The following VIT variants were observed in gnomAD, a reference collection of about 807,000 sequenced individuals.
The protein encoded by VIT is vitrin.
VIT carries 99 observed loss-of-function variants against 78.0 expected under a neutral mutation model. The ratio of observed to expected loss-of-function variants is 1.27; its 90% CI spans 1.08 to 1.50. The LOEUF (loss-of-function observed/expected upper bound fraction) is 1.50. Ranked by LOEUF, VIT falls within the 40% of genes most tolerant of loss-of-function variation. VIT has a pLI of 0.00. For missense variants in VIT, 1,126 were observed against 875.3 expected, an observed-to-expected ratio of 1.29 and a Z score of -3.61; for synonymous variants, 374 against 334.3, an observed-to-expected ratio of 1.12 and a Z score of -1.29.
chr2:36,701,451 T>C (rs147461464), intron 1 of VIT, among the ~76,000 whole-genome samples: 32 of 152,336 alleles, frequency 2.1e-4, no homozygotes, highest in African/African-American at 7.0e-4. Context: ...CTTTCCCTGA[T>C]AAGGGTCTCT....
At chr2:36,738,942 A>G (rs1473852844) in intron 3 of VIT, among the ~76,000 whole-genome samples, 1 of 152,160 alleles carries the variant, frequency 6.6e-6, no homozygotes, top group Non-Finnish European at 1.5e-5. Context: ...TGCTTTGCAA[A>G]AGAGGGTGCT....
chr2:36,726,209 A>G (rs1054306659), intron 2 of VIT, among the ~76,000 whole-genome samples: 1 of 152,208 alleles, frequency 6.6e-6, no homozygotes, highest in Admixed American at 6.5e-5. Context: ...CACTATTTAT[A>G]TTAAATCAAA....
chr2:36,746,543 C>T (rs1446012438), intron 4 of VIT, among the ~76,000 whole-genome samples: 2 of 151,994 alleles, frequency 1.3e-5, no homozygotes, highest in Non-Finnish European at 2.9e-5. Context: ...TGTGTGTTTA[C>T]AGGACTTTAT....
intron 12 of VIT, among the ~76,000 whole-genome samples, chr2:36,796,958 A>T (rs1042009252): frequency 6.6e-6 from 1 of 152,214 alleles, no homozygotes; most frequent in Non-Finnish European, 1.5e-5. Flanking sequence ...TAAAAATTTT[A>T]CTATTAATGT....
intron 2 of VIT, among the ~76,000 whole-genome samples, chr2:36,721,678 C>T (rs560011851): frequency 1.4e-4 from 22 of 152,258 alleles, no homozygotes; most frequent in Admixed American, 3.3e-4. Context: ...TGTCACTCAC[C>T]GTAGCCCCCA....
chr2:36,757,166 G>A (rs1478906435), intron 5 of VIT, among the ~76,000 whole-genome samples: 1 of 152,216 alleles, frequency 6.6e-6, no homozygotes, highest in African/African-American at 2.4e-5. Context: ...GAGGTTCATG[G>A]CCAGCAAGTT....
intron 3 of VIT, among the ~76,000 whole-genome samples, chr2:36,742,799 A>C (rs61082903): frequency 6.6e-6 from 1 of 152,166 alleles, no homozygotes; most frequent in South Asian, 2.1e-4. Flanking sequence ...ATTTCTGGCC[A>C]CTGGAGGTGG....
chr2:36,743,043 C>A, intron 3 of VIT, 57 bp from the exon 4 acceptor site: 1 of 1,600,726 alleles, frequency 6.2e-7, no homozygotes. Flanking sequence ...AACAGTGTCA[C>A]CCCACAGATA....
intron 11 of VIT, among the ~76,000 whole-genome samples, chr2:36,785,168 A>T (rs771686154): frequency 3.3e-5 from 5 of 152,206 alleles, no homozygotes; most frequent in Non-Finnish European, 7.3e-5. Flanking sequence ...ACTTTATTCC[A>T]AAAGGTATAT....
intron 3 of VIT, among the ~76,000 whole-genome samples, chr2:36,731,655 G>T (rs1667218303): frequency 6.6e-6 from 1 of 152,110 alleles, no homozygotes; most frequent in South Asian, 2.1e-4. Flanking sequence ...TTGATATTGG[G>T]AAATCACTCA....
chr2:36,771,662 G>A (rs1160804245), intron 7 of VIT, among the ~76,000 whole-genome samples: 1 of 152,064 alleles, frequency 6.6e-6, no homozygotes, highest in Non-Finnish European at 1.5e-5. Flanking sequence ...CAGTTTGGAT[G>A]AGAGTGTGGA....
rs149316999 is a variant in VIT at position 36,808,721 on chromosome 2, A to G, written c.1639A>G (p.Thr547Ala). ...AGAGTTTGAGATTTCCGACACGGAC[A>G]CGCGCATCGGGGCCGTGCAGTACAC... is the stretch of plus-strand genomic sequence containing the variant. ...TKEFEISDTD[T>A]RIGAVQYTYE... The change falls in exon 15 of 16, where the codon ACG becomes GCG. Residue 547 changes from threonine (T) to alanine (A), a missense_variant. Coordinates refer to ENST00000379242, the MANE Select transcript of VIT (RefSeq NM_053276.4). 3.0e-4 allele frequency: 481 copies of G among 1,614,084 alleles called. No homozygotes were observed. The highest frequency in any genetic ancestry group is 3.1e-4 in the Non-Finnish European group (367 of 1,180,032).
intron 8 of VIT, chr2:36,774,488 C>G (rs2148603551): frequency 1.0e-6 from 1 of 984,932 alleles, no homozygotes; most frequent in South Asian, 4.7e-5. Flanking sequence ...TGGAAGTATA[C>G]CATTCCCTCT....
intron 9 of VIT, among the ~76,000 whole-genome samples, chr2:36,779,748 G>T (rs906641741): frequency 1.6e-4 from 24 of 152,312 alleles, no homozygotes; most frequent in Admixed American, 5.9e-4. Flanking sequence ...AGACCTGACT[G>T]TATCTATGAG....
rs115934631 is a variant in VIT at position 36,706,488 on chromosome 2, G to A, written c.-19+9515G>A. ...ACCTGGAAAGTGGTGAGAAATGAAGGGATCTTCTCCCCCTGCTCCTCCCAG... is the reference window on the plus strand; with the variant it reads ...ACCTGGAAAGTGGTGAGAAATGAAGAGATCTTCTCCCCCTGCTCCTCCCAG... On this transcript the variant is annotated intron_variant, in intron 1 of 15. Transcript: ENST00000379242. 4.0e-3 allele frequency among the ~76,000 whole-genome samples: 606 copies of A among 152,088 alleles called. 4 individuals carry two copies. Among genetic ancestry groups the A allele is most frequent in the African/African-American group, 0.014 (574 of 41,464 alleles).
In VIT at chr2:36,797,021, C is replaced by T. The variant is rs114763993; in HGVS notation, c.1059-4280C>T. 9.9e-3 allele frequency among the ~76,000 whole-genome samples: 1,499 copies of T among 151,544 alleles called. 18 individuals are homozygous for T. The highest frequency in any genetic ancestry group is 0.034 in the African/African-American group (1,419 of 41,268). On this transcript the variant is annotated intron_variant, in intron 12 of 15. Transcript: ENST00000379242. ...TACAAATAACATTATGTTTGATGGA[C>T]AATTACATATTTATTATTGTCAGTG...
chr2:36,721,511 C>T (rs1259868574), intron 2 of VIT, among the ~76,000 whole-genome samples: 3 of 152,148 alleles, frequency 2.0e-5, no homozygotes, highest in African/African-American at 4.8e-5. Context: ...TTCCACCATA[C>T]CCCTATTAAT....
At chr2:36,762,567 G>C (rs528492020) in intron 6 of VIT, among the ~76,000 whole-genome samples, 1 of 152,272 alleles carries the variant, frequency 6.6e-6, no homozygotes, top group East Asian at 1.9e-4. Flanking sequence ...TTAGGAGTAA[G>C]TTTTCACGAA....
At chr2:36,697,037 A>G (rs1276291184) in intron 1 of VIT, 64 bp downstream of exon 1, 1 of 152,096 alleles carries the variant, frequency 6.6e-6, no homozygotes, top group Non-Finnish European at 1.5e-5. Context: ...ATTGAAACGT[A>G]TTTGTCTTTA....
Sources: gnomAD v4.1 joint callset for allele counts (sites outside exome capture counted in the v4.1 genomes callset) on GRCh38, gnomAD v4.1.1 for gene constraint, MANE v1.5 for transcripts, NCBI Gene and HGNC (gene_info 2026-07-23, HGNC 2026-07-21) for gene names.